TAF8: variants seen among roughly 807,000 people sequenced by gnomAD.
TAF8 encodes transcription initiation factor TFIID subunit 8.
Under a neutral mutation model 36.5 loss-of-function variants are expected in TAF8, and 47 were observed. The observed-to-expected ratio is 1.29, with a 90% CI of 1.02 to 1.64. TAF8 has a LOEUF of 1.64. Among genes scored for constraint, TAF8 ranks in the 40% most tolerant of loss-of-function variants. The pLI is 0.00. For missense variants in TAF8, 420 were observed against 407.6 expected (o/e 1.03, Z -0.26); for synonymous variants, 175 against 159.5 (o/e 1.10, Z -0.73).
At chr6:42,062,935 A>C (rs574625070) in intron 5 of TAF8, among the ~76,000 whole-genome samples, 1 of 152,014 alleles carries the variant, frequency 6.6e-6, no homozygotes, top group African/African-American at 2.4e-5. Context: ...GGCATTCTCT[A>C]TCTCTGTCTT....
At position 42,077,128 on chromosome 6, in the gene TAF8, CCT is replaced by C. The variant is rs1161647081; in HGVS notation, c.812_813del (p.Ser271CysfsTer11). ...GATTCTGGAGCCGAGAAGGAGAACA[CCT>C]CTGTCCTGCAGCAGAACCCCTCCTT... On this transcript the variant is annotated frameshift_variant, in exon 8 of 9. Transcript: ENST00000372977. LOFTEE classifies it high-confidence loss of function. 1 of 1,613,996 alleles carries C rather than the reference CCT, an allele frequency of 6.2e-7. No individual in the cohort carries two copies. Among genetic ancestry groups the C allele is most frequent in the Non-Finnish European group, 8.5e-7 (1 of 1,179,968 alleles).
chr6:42,051,576 G>C, intron 2 of TAF8, 63 bp downstream of exon 2: 1 of 1,545,358 alleles, frequency 6.5e-7, no homozygotes, highest in Non-Finnish European at 8.8e-7. Flanking sequence ...GCCCTGCTTT[G>C]TGATAGTGTT....
chr6:42,085,023 G>A (rs79281360), downstream of TAF8, among the ~76,000 whole-genome samples: 855 of 152,258 alleles, frequency 5.6e-3, 7 homozygotes, highest in Non-Finnish European at 8.7e-3. Flanking sequence ...GAGATTCCAC[G>A]TCCCCTTGAA....
At chr6:42,076,970 A>C in intron 7 of TAF8, 130 bp from the exon 8 acceptor site, 2 of 1,164,438 alleles carry the variant, frequency 1.7e-6, no homozygotes, top group Non-Finnish European at 2.4e-6. Context: ...AGAGATAGGA[A>C]TGTTGGAAAG....
At chr6:42,055,014 C>T (rs535627843) in intron 2 of TAF8, among the ~76,000 whole-genome samples, 9 of 151,806 alleles carry the variant, frequency 5.9e-5, no homozygotes, top group Non-Finnish European at 5.9e-5. Flanking sequence ...ACTGCAACCT[C>T]CTCCTTCCAG....
chr6:42,074,856 T>A (rs1449469255), intron 7 of TAF8, among the ~76,000 whole-genome samples: 2 of 126,308 alleles, frequency 1.6e-5, no homozygotes, highest in Non-Finnish European at 3.4e-5. Flanking sequence ...TTTTTTTTTT[T>A]AACTGGCTGA....
chr6:42,055,580 C>T lies in TAF8; in HGVS notation c.252C>T (p.Ala84=), dbSNP rs746799729. ...CCAAGTCTTACTGTGAGCACACAGC[C>T]AGGACCCAGCCCACACTGTCCGATA... ...RSAKSYCEHT[A]RTQPTLSDIV... is the part of the protein sequence containing the mutation. Residue 84 remains alanine (A), a synonymous_variant, in exon 3 of 9, where the codon GCC becomes GCT. Coordinates refer to ENST00000372977, the MANE Select transcript of TAF8 (RefSeq NM_138572.3). 1.9e-6 allele frequency: 3 copies of T among 1,614,158 alleles called. No homozygotes were observed. In the Admixed American group the frequency reaches 5.0e-5, roughly 27 times the overall value.
In TAF8 at chr6:42,068,626, C is replaced by G; in HGVS notation, c.780+19C>G. ...CAGCATGGTGGGTTCCACCTTCTGC[C>G]TACCTCAGAGTATCCCCCAAACTGT... On this transcript the variant is annotated intron_variant, in intron 7 of 8. Coordinates refer to ENST00000372977, the MANE Select transcript of TAF8 (RefSeq NM_138572.3). 6 of 1,610,086 alleles carry G rather than the reference C, an allele frequency of 3.7e-6. No individual in the cohort carries two copies. The highest frequency in any genetic ancestry group is 5.1e-6 in the Non-Finnish European group (6 of 1,179,748).
chr6:42,062,801 A>G (rs1765234220), intron 5 of TAF8, among the ~76,000 whole-genome samples: 4 of 152,036 alleles, frequency 2.6e-5, no homozygotes, highest in South Asian at 2.1e-4. Flanking sequence ...TGGCCTCCCA[A>G]AGTTTTGGGA....
At chr6:42,076,138 C>T (rs1316395027) in intron 7 of TAF8, among the ~76,000 whole-genome samples, 2 of 150,976 alleles carry the variant, frequency 1.3e-5, no homozygotes, top group African/African-American at 4.9e-5. Context: ...AACCCAGAGG[C>T]GGAGCTTGCA....
At chr6:42,066,097 C>T (rs1484757538) in intron 5 of TAF8, among the ~76,000 whole-genome samples, 3 of 152,132 alleles carry the variant, frequency 2.0e-5, no homozygotes, top group African/African-American at 7.2e-5. Context: ...GACGGGGTTT[C>T]GTTATGTTGG....
At chr6:42,056,169 G>T (rs1463349106) in intron 4 of TAF8, 155 bp downstream of exon 4, 1 of 597,424 alleles carries the variant, frequency 1.7e-6, no homozygotes, top group African/African-American at 1.9e-5. Context: ...CTTTATTTGG[G>T]CTAGTCTGAT....
chr6:42,087,055 C>G (rs1468023834), downstream of TAF8: 1 of 468,730 alleles, frequency 2.1e-6, no homozygotes, highest in Non-Finnish European at 3.9e-6. Context: ...CTGAGTGCAC[C>G]ATGTCTTGTG....
chr6:42,057,654 T>G, intron 5 of TAF8, 141 bp downstream of exon 5: 1 of 1,176,224 alleles, frequency 8.5e-7, no homozygotes, highest in Non-Finnish European at 1.2e-6. Context: ...GCACATTGGC[T>G]CACACCTGTA....
chr6:42,051,609 T>TC lies in TAF8; in HGVS notation c.202+96_202+97insC, dbSNP rs1764792303. 3 of 1,447,014 alleles carry TC rather than the reference T, an allele frequency of 2.1e-6. No homozygotes were observed. In the South Asian group the frequency reaches 4.2e-5, roughly 20 times the overall value. The allele number at this position is 1,447,014 out of a possible 1,614,324, so 89.6% of individuals were successfully genotyped here. On this transcript the variant is annotated intron_variant, in intron 2 of 8. Transcript: ENST00000372977. ...GTTTGAGAGGATTTAAGAAACAAACTTTTTTCTTAAGAGGGGAGAAAAAAA... is the reference window on the plus strand; with the variant it reads ...GTTTGAGAGGATTTAAGAAACAAACTCTTTTTCTTAAGAGGGGAGAAAAAAA...
downstream of TAF8, chr6:42,086,775 A>C (rs1460789183): frequency 8.4e-6 from 13 of 1,549,156 alleles, no homozygotes; most frequent in Non-Finnish European, 1.1e-5. Context: ...AGTGCTCCCC[A>C]AGGAGATCGG....
intron 7 of TAF8, among the ~76,000 whole-genome samples, chr6:42,070,902 G>A (rs1181615319): frequency 6.6e-6 from 1 of 152,154 alleles, no homozygotes; most frequent in East Asian, 1.9e-4. Flanking sequence ...ACCCAGGATA[G>A]GAGACAACAT....
chr6:42,075,314 C>G (rs1765706628), intron 7 of TAF8, among the ~76,000 whole-genome samples: 1 of 152,056 alleles, frequency 6.6e-6, no homozygotes, highest in African/African-American at 2.4e-5. Context: ...TCTGGAAGGC[C>G]CCAGTGGCTC....
Position 42,057,476 on chromosome 6 carries a change from C to T in TAF8, c.452C>T (p.Pro151Leu). Residue 151 changes from proline (P) to leucine (L), a missense_variant, in exon 5 of 9, where the codon CCT becomes CTT. By Grantham distance (98) the Pro-to-Leu change is moderately conservative. Transcript: ENST00000372977. ...PHPPHIPSHF[P>L]EFPDPHTYIK... ...CCGCCGCACATCCCCAGCCATTTTC[C>T]TGAGTTCCCTGATCCCCACACCTAC... 3 of 1,614,152 alleles carry T rather than the reference C, an allele frequency of 1.9e-6. No homozygotes were observed. Among genetic ancestry groups the T allele is most frequent in the South Asian group, 1.1e-5 (1 of 91,086 alleles).
Sources: allele counts gnomAD v4.1 joint callset (sites outside exome capture counted in the v4.1 genomes callset), GRCh38; gene constraint gnomAD v4.1.1; transcripts MANE v1.5; gene names NCBI Gene and HGNC (gene_info 2026-07-23, HGNC 2026-07-21).